The following TBX10 variants were observed in gnomAD, a reference collection of about 807,000 sequenced individuals.
TBX10 encodes the protein T-box transcription factor TBX10.
Under a neutral mutation model 32.4 loss-of-function variants are expected in TBX10, and 26 were observed. The observed-to-expected ratio is 0.80, with a 90% confidence interval of 0.59 to 1.11. TBX10 has a LOEUF of 1.11. Ranked by LOEUF, TBX10 falls within the 50% of genes most tolerant of loss-of-function variation. The pLI, the probability that TBX10 is intolerant of heterozygous loss-of-function variation, is 0.00. For synonymous variants in TBX10, 195 were observed against 203.1 expected, an observed-to-expected ratio of 0.96 and a Z score of 0.34; for missense variants, 490 against 494.5, an observed-to-expected ratio of 0.99 and a Z score of 0.09.
At chr11:67,637,242 G>A (rs970594316) in intron 1 of TBX10, among the ~76,000 whole-genome samples, 1 of 152,212 alleles carries the variant, frequency 6.6e-6, no homozygotes. Context: ...GATGCAAAAT[G>A]TTCTAGAGAT....
intron 1 of TBX10, among the ~76,000 whole-genome samples, chr11:67,637,418 GA>G (rs1486855875): frequency 4.6e-5 from 7 of 152,150 alleles, no homozygotes; most frequent in Non-Finnish European, 8.8e-5. Flanking sequence ...AGAGTACACC[GA>G]ACAAAGGAGA....
At chr11:67,639,402 G>GGCCCCCCCCCCCC in intron 1 of TBX10, 64 bp downstream of exon 1, 1 of 288,592 alleles carries the variant, frequency 3.5e-6, no homozygotes, top group Non-Finnish European at 7.0e-6. Context: ...TTCCCACCCT[G>GGCCCCCCCCCCCC]CCCACCCACC....
intron 7 of TBX10, 117 bp from the exon 8 acceptor site, chr11:67,632,011 C>A: frequency 7.0e-7 from 1 of 1,422,922 alleles, no homozygotes; most frequent in South Asian, 1.3e-5. Context: ...TCAGCCTTCG[C>A]CTTTGCTTTT....
chr11:67,639,219 G>T (rs1335007298), intron 1 of TBX10, among the ~76,000 whole-genome samples: 1 of 152,198 alleles, frequency 6.6e-6, no homozygotes, highest in African/African-American at 2.4e-5. Flanking sequence ...GAGGCCCGAG[G>T]TCACACGTGC....
At chr11:67,635,692 C>T (rs149372869) in intron 1 of TBX10, among the ~76,000 whole-genome samples, 1,830 of 20,640 alleles carry the variant, frequency 0.089, 43 homozygotes, top group African/African-American at 0.24. Flanking sequence ...GTGTGTGGGG[C>T]GGGGGAGGGG....
rs1344145077 is a variant in TBX10, at chr11:67,634,864, T to G, written c.329A>C (p.Asp110Ala). The G allele has an allele frequency of 7.4e-6, 12 of 1,613,338 alleles. No homozygotes were observed. Among genetic ancestry groups the G allele is most frequent in the Non-Finnish European group, 1.0e-5 (12 of 1,180,014 alleles). Residue 110 changes from aspartate to alanine, a missense_variant, in exon 3 of 8, where the codon GAC (aspartate) becomes GCC (alanine). Around this residue, in one of 3 missense-constraint regions of TBX10, gnomAD observed 307 missense variants for 294.9 expected, o/e 1.04. Transcript: ENST00000335385. ...VKILGMDSLA[D>A]YALLMDFIPL... ...GATGAAGTCCATGAGCAGGGCGTAG[T>G]CGGCCAGGGAGTCCATGCCCAGGAT...
upstream of TBX10, among the ~76,000 whole-genome samples, chr11:67,640,311 A>G (rs2447589): frequency 0.21 from 32,096 of 152,194 alleles, 3,584 homozygotes; most frequent in African/African-American, 0.27. Flanking sequence ...CAGCCTCCCC[A>G]GTTAACCTAA....
chr11:67,636,335 G>C (rs1359101443), intron 1 of TBX10, among the ~76,000 whole-genome samples: 1 of 150,060 alleles, frequency 6.7e-6, no homozygotes, highest in South Asian at 2.1e-4. Flanking sequence ...CTCCCACCTC[G>C]GCCTCCTAAA....
rs747586701 is a variant in TBX10, at chr11:67,634,263, C to T, written c.475G>A (p.Ala159Thr). ...HFHPDSPAKG[A>T]QWMRQIVSFD... ...GACACAATCTGGCGCATCCACTGGG[C>T]ACCCTTGGCTGGCGAGTCGGGGTGG... The change falls in exon 4 of 8, where the codon GCC (alanine) becomes ACC (threonine). Residue 159 changes from alanine to threonine, a missense_variant. Ala to Thr is a moderately conservative substitution (Grantham distance 58). Transcript: ENST00000335385. 2 of 1,613,122 alleles carry T rather than the reference C, an allele frequency of 1.2e-6. No homozygotes were observed. The highest frequency in any genetic ancestry group is 3.3e-5 in the Admixed American group (2 of 60,034).
At position 67,631,717 on chromosome 11, in the gene TBX10, G is replaced by C; in HGVS notation, c.1046C>G (p.Pro349Arg). ...GIPRTRPAPY[P>R]LPNIRADRDQ... is the part of the protein sequence containing the mutation. ...CCTATCAGCCCGGATGTTGGGGAGGGGGTATGGTGCTGGTCGGGTCCTTGG... is the reference window on the plus strand; with the variant it reads ...CCTATCAGCCCGGATGTTGGGGAGGCGGTATGGTGCTGGTCGGGTCCTTGG... Residue 349 changes from proline (P) to arginine (R), a missense_variant, in exon 8 of 8, where the codon CCC becomes CGC. Coordinates refer to ENST00000335385, the MANE Select transcript of TBX10 (RefSeq NM_005995.5). 6.2e-7 allele frequency: 1 copy of C among 1,610,118 alleles called. No homozygotes were observed. The highest frequency in any genetic ancestry group is 8.5e-7 in the Non-Finnish European group (1 of 1,178,754).
In TBX10 at chr11:67,631,463, G is replaced by T; in HGVS notation, c.*142C>A. The stretch of plus-strand genomic sequence containing the variant: ...GGTCCCAGCCTTGCTGTGACCCTGG[G>T]CAGGTAGCCTCTTTCTCTAGACTTT... On this transcript the variant is annotated 3_prime_UTR_variant, in exon 8 of 8. Coordinates refer to ENST00000335385, the MANE Select transcript of TBX10 (RefSeq NM_005995.5). The T allele has an allele frequency of 9.2e-7, 1 of 1,091,052 alleles. No homozygotes were observed. Among genetic ancestry groups the T allele is most frequent in the Non-Finnish European group, 1.3e-6 (1 of 759,288 alleles). 67.6% of individuals were successfully genotyped at this position (1,091,052 alleles called of 1,614,324 possible).
At chr11:67,638,109 A>G (rs956493906) in intron 1 of TBX10, among the ~76,000 whole-genome samples, 27 of 152,298 alleles carry the variant, frequency 1.8e-4, no homozygotes, top group African/African-American at 6.0e-4. Context: ...CGGGAGGCTG[A>G]GACACAAGTG....
At chr11:67,641,466 C>T (rs927464520), upstream of TBX10, among the ~76,000 whole-genome samples, 2 of 152,248 alleles carry the variant, frequency 1.3e-5, no homozygotes, top group Non-Finnish European at 2.9e-5. Context: ...GCTGGCCCGC[C>T]CGCCCTGCCT....
chr11:67,639,675 T>C lies in TBX10; in HGVS notation c.-203A>G, dbSNP rs2447591. ...CCACGTCCTGAGGTCGTGGTCTTCC[T>C]ACTCGAGCTGGACCCCTGGTCTCCG... On this transcript the variant is annotated 5_prime_UTR_variant, in exon 1 of 8. Coordinates refer to ENST00000335385, the MANE Select transcript of TBX10 (RefSeq NM_005995.5). 678,644 of 686,924 alleles carry C rather than the reference T, an allele frequency of 0.99. 335,614 individuals carry two copies. The highest frequency in any genetic ancestry group is 1 in the East Asian group (36,542 of 36,542). 42.6% of individuals were successfully genotyped at this position (686,924 alleles called of 1,614,324 possible). A position where few individuals can be genotyped will look rare whatever the true frequency, so the allele number is the denominator to read the frequency against.
At position 67,632,327 on chromosome 11, in the gene TBX10, T is replaced by A. The variant is rs746367221; in HGVS notation, c.859A>T (p.Arg287Trp). 3.7e-6 allele frequency: 6 copies of A among 1,613,262 alleles called. No individual in the cohort carries two copies. In the African/African-American group the frequency reaches 6.7e-5, roughly 18 times the overall value. ...SPCVLKGATDREKDPNKASAS... is the reference protein window; with the variant it reads ...SPCVLKGATDWEKDPNKASAS... ...AGGCCTGGGGCCTTACCTTTCTCCC[T>A]GTCTGTGGCACCCTTCAGCACACAG... Residue 287 changes from arginine (R) to tryptophan (W), a missense_variant, in exon 7 of 8, where the codon AGG (arginine) becomes TGG (tryptophan). This residue lies in a region of TBX10 where 177 missense variants were observed against 176.6 expected (regional missense o/e 1.00). Transcript: ENST00000335385.
Position 67,633,097 on chromosome 11 carries a change from G to A in TBX10, c.556C>T (p.Leu186Phe), listed in dbSNP as rs60988467. The A allele has an allele frequency of 6.2e-7, 1 of 1,613,976 alleles. No homozygotes were observed. Among genetic ancestry groups the A allele is most frequent in the Non-Finnish European group, 8.5e-7 (1 of 1,179,878 alleles). Residue 186 changes from leucine (L) to phenylalanine (F), a missense_variant, in exon 5 of 8, where the codon CTC becomes TTC. Leu to Phe is a conservative substitution (Grantham distance 22). Around this residue, in one of 3 missense-constraint regions of TBX10, gnomAD observed 307 missense variants for 294.9 expected, o/e 1.04. Transcript: ENST00000335385. ...NLLDDNGHIILNSMHRYQPRF... is the reference protein window; with the variant it reads ...NLLDDNGHIIFNSMHRYQPRF... ...GGCTGGTAGCGGTGCATAGAGTTGA[G>A]AATGATCTGTGGAAGGGACAGAGCA... is the stretch of plus-strand genomic sequence containing the variant.
At chr11:67,632,826 A>G in intron 5 of TBX10, 122 bp downstream of exon 5, 1 of 1,567,458 alleles carries the variant, frequency 6.4e-7, no homozygotes, top group Non-Finnish European at 8.8e-7. Flanking sequence ...GACTGATGGC[A>G]GATACTCAGG....
chr11:67,638,336 A>G (rs1591126232), intron 1 of TBX10, among the ~76,000 whole-genome samples: 1 of 152,328 alleles, frequency 6.6e-6, no homozygotes, highest in South Asian at 2.1e-4. Context: ...CAGAACTATT[A>G]TTTTATAGCA....
chr11:67,632,785 T>C, intron 5 of TBX10, 115 bp from the exon 6 acceptor site: 1 of 1,547,940 alleles, frequency 6.5e-7, no homozygotes, highest in Non-Finnish European at 8.9e-7. Flanking sequence ...GCCCAGGAAC[T>C]CTGAGCTGAT....
Sources: allele counts gnomAD v4.1 joint callset (sites outside exome capture counted in the v4.1 genomes callset), GRCh38; gene constraint gnomAD v4.1.1; regional missense constraint gnomAD v4.1.1; transcripts MANE v1.5; gene names NCBI Gene and HGNC (gene_info 2026-07-23, HGNC 2026-07-21).